GASK1A: variants seen among roughly 807,000 people sequenced by gnomAD.
The protein encoded by GASK1A is Golgi-associated kinase 1A.
In GASK1A, 40 loss-of-function variants were observed where a neutral mutation model predicts 41.2. The ratio of observed to expected loss-of-function variants is 0.97; its 90% CI spans 0.75 to 1.27. The LOEUF is 1.27. Ranked by LOEUF, GASK1A falls within the 50% of genes most tolerant of loss-of-function variation. The probability of loss-of-function intolerance (pLI) is 0.00; values close to 1 mark genes in which losing one functional copy is unlikely to be tolerated. For synonymous variants in GASK1A, 316 were observed against 307.1 expected (o/e 1.03, Z -0.30); for missense variants, 678 against 745.1 (o/e 0.91, Z 1.05).
chr3:43,031,512 A>T (rs2089575704), intron 1 of GASK1A, among the ~76,000 whole-genome samples: 1 of 152,210 alleles, frequency 6.6e-6, no homozygotes, highest in Non-Finnish European at 1.5e-5. Context: ...CAGTCAACCA[A>T]GAGTTGACTG....
intron 1 of GASK1A, among the ~76,000 whole-genome samples, chr3:42,995,231 A>G (rs183188728): frequency 2.0e-5 from 3 of 152,330 alleles, no homozygotes; most frequent in Admixed American, 1.3e-4. Flanking sequence ...TTCATCTTCT[A>G]TAAGAAAAAC....
intron 2 of GASK1A, chr3:43,037,187 T>TAAG (rs2089608796): frequency 8.8e-7 from 1 of 1,133,608 alleles, no homozygotes; most frequent in Middle Eastern, 2.0e-4. Flanking sequence ...CCAAAGAACC[T>TAAG]AAGTCAAAAT....
At chr3:43,045,223 C>A (rs1445076318) in intron 2 of GASK1A, among the ~76,000 whole-genome samples, 1 of 152,120 alleles carries the variant, frequency 6.6e-6, no homozygotes, top group East Asian at 1.9e-4. Flanking sequence ...GGGTTTTATG[C>A]CCTGGGCCCT....
chr3:43,039,706 T>C (rs1047645095), intron 2 of GASK1A, among the ~76,000 whole-genome samples: 1 of 152,164 alleles, frequency 6.6e-6, no homozygotes, highest in Non-Finnish European at 1.5e-5. Context: ...TGTTCCTTCT[T>C]TGTGTGGCCC....
intron 1 of GASK1A, among the ~76,000 whole-genome samples, chr3:43,005,198 G>A (rs1048051570): frequency 4.6e-5 from 7 of 152,054 alleles, no homozygotes; most frequent in African/African-American, 7.2e-5. Flanking sequence ...TAATCACACC[G>A]TCCGAATCCC....
intron 1 of GASK1A, among the ~76,000 whole-genome samples, chr3:42,980,793 A>G (rs2089279031): frequency 6.6e-6 from 1 of 152,132 alleles, no homozygotes. Context: ...CAAAGCTGCT[A>G]AGAGAAGGAA....
Position 43,056,318 on chromosome 3 carries a change from C to T in GASK1A, c.1660C>T (p.Arg554Ter), listed in dbSNP as rs199646108. The T allele has an allele frequency of 4.0e-4, 622 of 1,551,564 alleles. No individual in the cohort carries two copies. Among genetic ancestry groups the T allele is most frequent in the Non-Finnish European group, 5.1e-4 (583 of 1,146,982 alleles). ...LKQVLQTLEQ[R>*]GQVLLGHIQK... ...GCAGGTCCTCCAGACCCTGGAGCAG[C>T]GAGGACAGGTGCTGCTGGGACACAT... The change falls in exon 5 of 5, where the codon CGA becomes TGA. Residue 554 changes from arginine to a stop codon, truncating the protein, a stop_gained. Coordinates refer to ENST00000430121, the MANE Select transcript of GASK1A (RefSeq NM_001129908.3). LOFTEE classifies it high-confidence loss of function.
At chr3:43,043,233 T>C (rs1262253620) in intron 2 of GASK1A, among the ~76,000 whole-genome samples, 1 of 152,140 alleles carries the variant, frequency 6.6e-6, no homozygotes, top group East Asian at 1.9e-4. Flanking sequence ...GTCTCTGCGC[T>C]AGGGGCATGG....
Position 43,033,483 on chromosome 3 carries a change from G to C in GASK1A, c.1220G>C (p.Gly407Ala). Residue 407 changes from glycine to alanine, a missense_variant, in exon 2 of 5, where the codon GGC becomes GCC. Transcript: ENST00000430121. ...CTGGCACACAGCTGCAACTGGCCAG[G>C]CCAGGCCCCGTGCCCGGGCATCCAC... ...ALLAHSCNWPGQAPCPGIHHT... is the reference protein window; with the variant it reads ...ALLAHSCNWPAQAPCPGIHHT... The C allele has an allele frequency of 6.4e-7, 1 of 1,550,432 alleles. No homozygotes were observed. Among genetic ancestry groups the C allele is most frequent in the Non-Finnish European group, 8.7e-7 (1 of 1,146,808 alleles).
intron 2 of GASK1A, among the ~76,000 whole-genome samples, chr3:43,045,739 C>T (rs1054891092): frequency 1.3e-5 from 2 of 152,130 alleles, no homozygotes; most frequent in African/African-American, 4.8e-5. Flanking sequence ...TCCCCATAAT[C>T]CCTACGTGTC....
chr3:43,023,983 T>C (rs145408363), intron 1 of GASK1A, among the ~76,000 whole-genome samples: 1,611 of 152,294 alleles, frequency 0.011, 15 homozygotes, highest in Admixed American at 0.015. Flanking sequence ...AGGAGGATTG[T>C]CTGCTGTGGG....
intron 1 of GASK1A, among the ~76,000 whole-genome samples, chr3:43,022,930 A>G (rs912897453): frequency 6.6e-6 from 1 of 152,238 alleles, no homozygotes. Context: ...GTATGGATAA[A>G]TACGGAAAAA....
rs1363668868 is a variant in GASK1A, at chr3:42,984,875, A to G, written c.3+5230A>G. 1.3e-5 allele frequency among the ~76,000 whole-genome samples: 2 copies of G among 152,190 alleles called. No homozygotes were observed. The highest frequency in any genetic ancestry group is 2.1e-4 in the South Asian group (1 of 4,826). On this transcript the variant is annotated intron_variant, in intron 1 of 4. Coordinates refer to ENST00000430121, the MANE Select transcript of GASK1A (RefSeq NM_001129908.3). This position sits in a 1 kb window ranked among gnomAD's most constrained non-coding sequence, Gnocchi z 4.2. Reference sequence around the variant, plus strand: ...TCTACCAGGGAGTTGAGCTAGCACCATCACAGGCAGAGCTAGGTTGTAAGG... The same window carrying G: ...TCTACCAGGGAGTTGAGCTAGCACCGTCACAGGCAGAGCTAGGTTGTAAGG...
At chr3:43,035,194 C>A (rs1310597780) in intron 2 of GASK1A, among the ~76,000 whole-genome samples, 1 of 152,180 alleles carries the variant, frequency 6.6e-6, no homozygotes, top group African/African-American at 2.4e-5. Context: ...TGGGGTTGTG[C>A]ACCCCAACCT....
Position 42,979,358 on chromosome 3 carries a change from G to A in GASK1A, c.-285G>A. ...CCCGAGTAGACCGCAGAGGCTCGCG[G>A]CCGCGGGTAGGCTCCCTCAGATCCC... On this transcript the variant is annotated 5_prime_UTR_variant, in exon 1 of 5. Coordinates refer to ENST00000430121, the MANE Select transcript of GASK1A (RefSeq NM_001129908.3). The A allele has an allele frequency of 2.6e-6, 1 of 379,138 alleles. No homozygotes were observed. Among genetic ancestry groups the A allele is most frequent in the Non-Finnish European group, 4.7e-6 (1 of 214,504 alleles). The allele number at this position is 379,138 out of a possible 1,614,324, so 23.5% of individuals were successfully genotyped here.
chr3:43,056,577 C>T lies in GASK1A; in HGVS notation c.*191C>T, dbSNP rs149094641. On this transcript the variant is annotated 3_prime_UTR_variant, in exon 5 of 5. Coordinates refer to ENST00000430121, the MANE Select transcript of GASK1A (RefSeq NM_001129908.3). ...CTCAAAGCGTCCCTTTCTGCCTTCT[C>T]GGCTCTGGCTATTTATTCCCTTGCA... is the stretch of plus-strand genomic sequence containing the variant. 1.5e-3 allele frequency: 783 copies of T among 535,618 alleles called. 7 individuals carry two copies. Among genetic ancestry groups the T allele is most frequent in the African/African-American group, 0.012 (632 of 53,348 alleles). 33.2% of individuals were successfully genotyped at this position (535,618 alleles called of 1,614,324 possible).
intron 1 of GASK1A, among the ~76,000 whole-genome samples, chr3:43,000,413 G>A (rs1051067713): frequency 5.3e-5 from 8 of 152,210 alleles, no homozygotes; most frequent in East Asian, 1.9e-4. Flanking sequence ...GAAGGAGATC[G>A]CATAAACATC....
At chr3:43,021,154 A>G (rs951712133) in intron 1 of GASK1A, among the ~76,000 whole-genome samples, 8 of 152,072 alleles carry the variant, frequency 5.3e-5, no homozygotes, top group Admixed American at 3.9e-4. Flanking sequence ...GGGCTCCTTC[A>G]GGCAGAACTC....
intron 2 of GASK1A, among the ~76,000 whole-genome samples, chr3:43,044,806 A>C (rs1221333662): frequency 6.6e-6 from 1 of 152,198 alleles, no homozygotes; most frequent in East Asian, 1.9e-4. Flanking sequence ...ATTTCAGTGC[A>C]CATAAGGTTT....
Sources: gnomAD v4.1 joint callset for allele counts (sites outside exome capture counted in the v4.1 genomes callset) on GRCh38, gnomAD v4.1.1 for gene constraint, Gnocchi (gnomAD v3.1) non-coding constraint, MANE v1.5 for transcripts, NCBI Gene and HGNC (gene_info 2026-07-23, HGNC 2026-07-21) for gene names.